Variants in EED observed in about 807,000 individuals in gnomAD.
EED encodes polycomb protein EED.
In EED, 9 loss-of-function variants were observed where a neutral mutation model predicts 61.0. The observed-to-expected ratio is 0.15, with a 90% CI of 0.09 to 0.26. The LOEUF is 0.26. Among genes scored for constraint, EED ranks in the 10% least tolerant of loss-of-function variants. The pLI, the probability that EED is intolerant of heterozygous loss-of-function variation, is 1.00. For synonymous variants in EED, 187 were observed against 174.4 expected (o/e 1.07, Z -0.57); for missense variants, 315 against 542.3 (o/e 0.58, Z 4.16).
At chr11:86,278,290 G>A in intron 11 of EED, 109 bp from the exon 12 acceptor site, 2 of 1,463,612 alleles carry the variant, frequency 1.4e-6, no homozygotes, top group South Asian at 1.6e-5. Flanking sequence ...GGTTTTAAGT[G>A]CTTTTCGTAT....
In EED at chr11:86,257,517, C is replaced by T. The variant is rs1452881531; in HGVS notation, c.555C>T (p.His185=). Residue 185 remains histidine (H), a splice_region_variant and synonymous_variant, in exon 6 of 12, where the codon CAC becomes CAT. Coordinates refer to ENST00000263360, the MANE Select transcript of EED (RefSeq NM_003797.5). ...INPITMQCIK[H]YVGHGNAINE... is the part of the protein sequence containing the mutation. ...GAAATGTTTTAAATTTATTGTAGCA[C>T]TATGTTGGCCATGGAAATGCTATCA... 1.1e-5 allele frequency: 17 copies of T among 1,606,950 alleles called. No homozygotes were observed. The highest frequency in any genetic ancestry group is 1.3e-5 in the Non-Finnish European group (15 of 1,177,274).
chr11:86,280,368 A>G (rs2138245348), downstream of EED, among the ~76,000 whole-genome samples: 1 of 152,310 alleles, frequency 6.6e-6, no homozygotes, highest in South Asian at 2.1e-4. Flanking sequence ...CTCACAGGCC[A>G]GTTATCAGCC....
intron 3 of EED, among the ~76,000 whole-genome samples, chr11:86,252,762 G>A (rs1405730564): frequency 5.3e-5 from 8 of 151,870 alleles, no homozygotes; most frequent in Non-Finnish European, 8.8e-5. Flanking sequence ...TGTTGTTGTT[G>A]TTGTTTGTTT....
chr11:86,248,011 A>T (rs1945434178), intron 1 of EED, among the ~76,000 whole-genome samples: 1 of 152,208 alleles, frequency 6.6e-6, no homozygotes, highest in South Asian at 2.1e-4. Context: ...AGAGGGCTGA[A>T]TCTGGAGACT....
the EED span, among the ~76,000 whole-genome samples, chr11:86,287,321 C>A: frequency 6.6e-6 from 1 of 152,300 alleles, no homozygotes; most frequent in Middle Eastern, 3.4e-3. Flanking sequence ...GTAACTTCCC[C>A]TGCTTTCAGT....
At chr11:86,270,936 T>G (rs934181237) in intron 9 of EED, among the ~76,000 whole-genome samples, 7 of 152,358 alleles carry the variant, frequency 4.6e-5, no homozygotes, top group African/African-American at 1.7e-4. Flanking sequence ...ATAATTATTC[T>G]TGGAATCTGA....
intron 6 of EED, among the ~76,000 whole-genome samples, chr11:86,261,727 C>T (rs1945834056): frequency 6.6e-6 from 1 of 152,220 alleles, no homozygotes; most frequent in African/African-American, 2.4e-5. Context: ...CCAAGATTTG[C>T]TGCTTGTACC....
chr11:86,261,503 G>C (rs1186847687), intron 6 of EED, among the ~76,000 whole-genome samples: 1 of 152,218 alleles, frequency 6.6e-6, no homozygotes, highest in Admixed American at 6.5e-5. Context: ...TGCCCTGGTA[G>C]CTCAGCAGTT....
At chr11:86,263,484 C>T (rs1945892435) in intron 6 of EED, among the ~76,000 whole-genome samples, 1 of 152,176 alleles carries the variant, frequency 6.6e-6, no homozygotes, top group Non-Finnish European at 1.5e-5. Context: ...TAACACAATA[C>T]CACAGACTAG....
chr11:86,271,651 A>G (rs533243740), intron 9 of EED, among the ~76,000 whole-genome samples: 1 of 152,314 alleles, frequency 6.6e-6, no homozygotes, highest in Non-Finnish European at 1.5e-5. Flanking sequence ...AAGTTGGGAA[A>G]GTTGAGAACT....
At chr11:86,248,229 T>C (rs193194278) in intron 1 of EED, among the ~76,000 whole-genome samples, 1 of 152,350 alleles carries the variant, frequency 6.6e-6, no homozygotes, top group African/African-American at 2.4e-5. Context: ...GACTTGATTT[T>C]AGTTTAAAGA....
intron 8 of EED, among the ~76,000 whole-genome samples, 181 bp downstream of exon 8, chr11:86,266,397 T>G (rs927133686): frequency 6.6e-6 from 1 of 152,136 alleles, no homozygotes; most frequent in Non-Finnish European, 1.5e-5. Flanking sequence ...TTGCAGTGTT[T>G]GTGGCTTAGT....
intron 3 of EED, among the ~76,000 whole-genome samples, chr11:86,252,726 A>G (rs1451917768): frequency 6.6e-6 from 1 of 151,910 alleles, no homozygotes; most frequent in African/African-American, 2.4e-5. Context: ...GTTTTGAGAC[A>G]GGTAGTGTTT....
chr11:86,274,945 T>C (rs1174651969), intron 9 of EED, among the ~76,000 whole-genome samples: 12 of 152,360 alleles, frequency 7.9e-5, no homozygotes, highest in Middle Eastern at 3.4e-3. Context: ...GGTGTTTGGC[T>C]GGAGTAGAGC....
In EED at chr11:86,270,101, C is replaced by T. The variant is rs557225572; in HGVS notation, c.966+1540C>T. 1.3e-5 allele frequency: 9 copies of T among 700,182 alleles called. No homozygotes were observed. In the East Asian group the frequency reaches 2.2e-4, roughly 17 times the overall value. 43.4% of individuals were successfully genotyped at this position (700,182 alleles called of 1,614,324 possible). On this transcript the variant is annotated intron_variant, in intron 9 of 11. Transcript: ENST00000263360. ...TTTCCAGAGTGGCCGTGCCATTTTACATTCCCACCAGCAATGTATGAGAGA... is the reference window on the plus strand; with the variant it reads ...TTTCCAGAGTGGCCGTGCCATTTTATATTCCCACCAGCAATGTATGAGAGA...
intron 6 of EED, among the ~76,000 whole-genome samples, chr11:86,260,467 G>T (rs753493089): frequency 6.6e-6 from 1 of 152,156 alleles, no homozygotes; most frequent in Non-Finnish European, 1.5e-5. Flanking sequence ...GGCCTCAAAA[G>T]ATCCTCACAC....
downstream of EED, among the ~76,000 whole-genome samples, chr11:86,282,502 T>C (rs889394764): frequency 1.3e-5 from 2 of 152,196 alleles, no homozygotes; most frequent in Admixed American, 1.3e-4. Flanking sequence ...TTTTTGCTAT[T>C]ATAGGTAGTA....
chr11:86,276,303 A>T (rs569749385), intron 9 of EED: 62 of 152,180 alleles, frequency 4.1e-4, no homozygotes, highest in Non-Finnish European at 7.8e-4. Context: ...ATTTTATAGG[A>T]TAGGAAAAGT....
chr11:86,260,962 G>A (rs1342650505), intron 6 of EED, among the ~76,000 whole-genome samples: 1 of 151,126 alleles, frequency 6.6e-6, no homozygotes, highest in African/African-American at 2.4e-5. Flanking sequence ...ATTCATAAGA[G>A]TGGTACTCTC....
Sources: allele counts gnomAD v4.1 joint callset (sites outside exome capture counted in the v4.1 genomes callset), GRCh38; gene constraint gnomAD v4.1.1; transcripts MANE v1.5; gene names NCBI Gene and HGNC (gene_info 2026-07-23, HGNC 2026-07-21).